The following PTPRT variants were observed in gnomAD, a reference collection of about 807,000 sequenced individuals.
PTPRT encodes receptor-type tyrosine-protein phosphatase T.
Under a neutral mutation model 176.8 loss-of-function variants are expected in PTPRT, and 56 were observed. That is an observed-to-expected ratio of 0.32 (90% CI 0.26 to 0.40). PTPRT has a LOEUF of 0.40. Among genes scored for constraint, PTPRT ranks in the 10% least tolerant of loss-of-function variants. The probability of loss-of-function intolerance (pLI) is 1.00; values close to 1 mark genes in which losing one functional copy is unlikely to be tolerated. For synonymous variants in PTPRT, 783 were observed against 739.0 expected, an observed-to-expected ratio of 1.06 and a Z score of -0.96; for missense variants, 1,540 against 1,908.2, an observed-to-expected ratio of 0.81 and a Z score of 3.60.
chr20:42,885,942 A>C lies in PTPRT; in HGVS notation c.89-10T>G. ...TCAAAGGAACAGCCACCTGTAGACA[A>C]AAGAGATATGGGTAAATACATTCCC... On this transcript the variant is annotated splice_polypyrimidine_tract_variant and intron_variant, in intron 1 of 30. Coordinates refer to ENST00000373187, the MANE Select transcript of PTPRT (RefSeq NM_007050.6). 6.3e-7 allele frequency: 1 copy of C among 1,598,856 alleles called. No individual in the cohort carries two copies. The highest frequency in any genetic ancestry group is 2.3e-5 in the East Asian group (1 of 44,230).
intron 7 of PTPRT, among the ~76,000 whole-genome samples, chr20:42,494,619 G>A (rs1263196608): frequency 2.0e-5 from 3 of 151,980 alleles, no homozygotes; most frequent in Non-Finnish European, 4.4e-5. Context: ...GGCACTTGCA[G>A]GAATTACCTT....
chr20:42,184,164 T>G (rs1990633391), intron 16 of PTPRT, among the ~76,000 whole-genome samples: 1 of 152,160 alleles, frequency 6.6e-6, no homozygotes, highest in Non-Finnish European at 1.5e-5. Flanking sequence ...GCTCCCCATT[T>G]TCAAGCAGAC....
At chr20:42,239,871 T>TA (rs2056319684) in intron 14 of PTPRT, among the ~76,000 whole-genome samples, 1 of 152,190 alleles carries the variant, frequency 6.6e-6, no homozygotes, top group Non-Finnish European at 1.5e-5. Context: ...CAGATATAAT[T>TA]ACTCTCACGG....
chr20:42,358,021 A>C (rs2058381270), intron 9 of PTPRT, among the ~76,000 whole-genome samples: 1 of 152,138 alleles, frequency 6.6e-6, no homozygotes, highest in Non-Finnish European at 1.5e-5. Context: ...AGACATGACA[A>C]CGAAATGCTA....
intron 9 of PTPRT, among the ~76,000 whole-genome samples, chr20:42,390,412 TA>T (rs1321864778): frequency 2.6e-5 from 4 of 152,122 alleles, no homozygotes; most frequent in African/African-American, 9.7e-5. Context: ...GTACTAACAT[TA>T]ACCAAAGTAA....
chr20:42,126,543 G>A (rs1244053983), intron 19 of PTPRT, among the ~76,000 whole-genome samples: 3 of 152,172 alleles, frequency 2.0e-5, no homozygotes, highest in Non-Finnish European at 4.4e-5. Flanking sequence ...TTGCCTGGCT[G>A]GCTCTAAGTC....
At chr20:42,092,694 G>A (rs1390364378) in intron 27 of PTPRT, among the ~76,000 whole-genome samples, 1 of 152,198 alleles carries the variant, frequency 6.6e-6, no homozygotes, top group Non-Finnish European at 1.5e-5. Flanking sequence ...GTTAGGCTGT[G>A]TTTTCACAAG....
chr20:42,998,233 A>G (rs1984337060), intron 1 of PTPRT, among the ~76,000 whole-genome samples: 1 of 152,148 alleles, frequency 6.6e-6, no homozygotes, highest in Non-Finnish European at 1.5e-5. Context: ...TTCAGGTCAG[A>G]GAAAAACAAT....
At chr20:42,168,226 G>C (rs1408844949) in intron 16 of PTPRT, among the ~76,000 whole-genome samples, 1 of 152,138 alleles carries the variant, frequency 6.6e-6, no homozygotes, top group Non-Finnish European at 1.5e-5. Flanking sequence ...GAGTGACAGA[G>C]TCAGAAGAAA....
At chr20:42,375,518 T>G (rs140251275) in intron 9 of PTPRT, among the ~76,000 whole-genome samples, 1 of 152,126 alleles carries the variant, frequency 6.6e-6, no homozygotes, top group Non-Finnish European at 1.5e-5. Flanking sequence ...AAGTGTCCTC[T>G]TGGAAGAAGG....
intron 7 of PTPRT, among the ~76,000 whole-genome samples, chr20:42,498,860 G>T (rs1332798221): frequency 2.0e-5 from 3 of 152,100 alleles, no homozygotes; most frequent in Non-Finnish European, 4.4e-5. Context: ...GCTTTGAGAT[G>T]TCCCACCTTT....
chr20:42,999,069 C>G (rs1984383549), intron 1 of PTPRT, among the ~76,000 whole-genome samples: 1 of 152,154 alleles, frequency 6.6e-6, no homozygotes. Flanking sequence ...AGTTACTGTA[C>G]ATAGCATCTC....
chr20:42,279,546 C>T (rs975647415), intron 13 of PTPRT, among the ~76,000 whole-genome samples: 2 of 152,154 alleles, frequency 1.3e-5, no homozygotes, highest in African/African-American at 4.8e-5. Flanking sequence ...GTTATTTAAG[C>T]CAACCAATTT....
chr20:42,926,353 T>G (rs2145963274), intron 1 of PTPRT, among the ~76,000 whole-genome samples: 1 of 152,350 alleles, frequency 6.6e-6, no homozygotes, highest in East Asian at 1.9e-4. Context: ...TGGGCTGCAC[T>G]AGCTCTGAGC....
chr20:42,821,414 A>G (rs1406469192), intron 2 of PTPRT, among the ~76,000 whole-genome samples: 2 of 152,208 alleles, frequency 1.3e-5, no homozygotes, highest in Non-Finnish European at 2.9e-5. Flanking sequence ...ACATATCTCA[A>G]AATGATAAGA....
intron 7 of PTPRT, among the ~76,000 whole-genome samples, chr20:42,626,993 G>A (rs2145875774): frequency 7.7e-6 from 1 of 130,040 alleles, no homozygotes; most frequent in East Asian, 2.0e-4. Flanking sequence ...ATCACACTGG[G>A]CCTCTCTGAT....
At chr20:42,954,301 C>A (rs1260010228) in intron 1 of PTPRT, among the ~76,000 whole-genome samples, 3 of 152,180 alleles carry the variant, frequency 2.0e-5, no homozygotes, top group Non-Finnish European at 4.4e-5. Context: ...CTAGAGGGAA[C>A]TTTGGGGAAG....
At chr20:42,807,818 A>G (rs187449213) in intron 2 of PTPRT, among the ~76,000 whole-genome samples, 31 of 152,312 alleles carry the variant, frequency 2.0e-4, no homozygotes, top group African/African-American at 7.0e-4. Context: ...TCACTGAGCA[A>G]GCTTTATGTA....
At chr20:42,635,727 T>G (rs74171210) in intron 7 of PTPRT, among the ~76,000 whole-genome samples, 15,371 of 152,058 alleles carry the variant, frequency 0.1, 983 homozygotes, top group Non-Finnish European at 0.15. Flanking sequence ...CCTTAGATTT[T>G]ATTTTATTTT....
Sources: allele counts gnomAD v4.1 joint callset (sites outside exome capture counted in the v4.1 genomes callset), GRCh38; gene constraint gnomAD v4.1.1; transcripts MANE v1.5; gene names NCBI Gene and HGNC (gene_info 2026-07-23, HGNC 2026-07-21).